Variants in ARG2 observed in about 807,000 individuals in gnomAD.
ARG2 encodes arginase 2.
ARG2 carries 21 observed loss-of-function variants against 39.4 expected under a neutral mutation model. The observed-to-expected ratio is 0.53, with a 90% confidence interval of 0.38 to 0.77. ARG2 has a LOEUF of 0.77. ARG2 is among the 30% of genes least tolerant of loss of function. The pLI, the probability that ARG2 is intolerant of heterozygous loss-of-function variation, is 0.00. For missense variants in ARG2, 378 were observed against 426.2 expected (o/e 0.89, Z 1.00); for synonymous variants, 150 against 156.7 (o/e 0.96, Z 0.32).
At chr14:67,623,783 C>G (rs985710580) in intron 2 of ARG2, among the ~76,000 whole-genome samples, 4 of 152,102 alleles carry the variant, frequency 2.6e-5, no homozygotes, top group Non-Finnish European at 4.4e-5. Flanking sequence ...CTCAGGTGAT[C>G]TGCCCATCTA....
At chr14:67,646,413 T>C (rs2037099127) in intron 4 of ARG2, 2 of 506,854 alleles carry the variant, frequency 3.9e-6, no homozygotes, top group Non-Finnish European at 7.0e-6. Flanking sequence ...AAGACAACCT[T>C]AGAGATTTTA....
chr14:67,620,426 A>C (rs116559382), intron 1 of ARG2, among the ~76,000 whole-genome samples: 2,024 of 152,110 alleles, frequency 0.013, 34 homozygotes, highest in African/African-American at 0.039. Flanking sequence ...GGGCTGGAGG[A>C]GGCGAAACTG....
intron 2 of ARG2, among the ~76,000 whole-genome samples, chr14:67,632,204 A>T (rs147525487): frequency 4.6e-5 from 7 of 152,228 alleles, no homozygotes; most frequent in South Asian, 2.1e-4. Flanking sequence ...TATCTCTAAT[A>T]CTTATTTTTC....
rs1324365259 is a variant in ARG2, at chr14:67,646,462, C to T, written c.523-182C>T. On this transcript the variant is annotated intron_variant, in intron 4 of 7. Transcript: ENST00000261783. ...AGCAATACTGTGTTCCTCAGCTGCC[C>T]TTCTGAAACATTTCCACCTTGTGTC... is the stretch of plus-strand genomic sequence containing the variant. 1.4e-5 allele frequency: 8 copies of T among 571,064 alleles called. No homozygotes were observed. In the Admixed American group the frequency reaches 2.6e-4, roughly 19 times the overall value. 35.4% of individuals were successfully genotyped at this position (571,064 alleles called of 1,614,324 possible). A position where few individuals can be genotyped will look rare whatever the true frequency, so the allele number is the denominator to read the frequency against.
At position 67,648,125 on chromosome 14, in the gene ARG2, T is replaced by A. The variant is rs1566806982; in HGVS notation, c.801T>A (p.Val267=). The part of the protein sequence containing the change: ...PTLAPATGTP[V]VGGLTYREGM... ...TGGCTCCAGCCACAGGAACTCCTGTTGTCGGGGGACTAACCTATCGAGAAG... is the reference window on the plus strand; with the variant it reads ...TGGCTCCAGCCACAGGAACTCCTGTAGTCGGGGGACTAACCTATCGAGAAG... The change falls in exon 7 of 8, where the codon GTT becomes GTA. Residue 267 remains valine (V), a synonymous_variant. Coordinates refer to ENST00000261783, the MANE Select transcript of ARG2 (RefSeq NM_001172.4). 2 of 1,614,074 alleles carry A rather than the reference T, an allele frequency of 1.2e-6. No homozygotes were observed. Among genetic ancestry groups the A allele is most frequent in the Non-Finnish European group, 1.7e-6 (2 of 1,179,930 alleles).
intron 2 of ARG2, among the ~76,000 whole-genome samples, chr14:67,633,124 C>T (rs1304813911): frequency 6.6e-6 from 1 of 152,042 alleles, no homozygotes; most frequent in Non-Finnish European, 1.5e-5. Context: ...CCGGCCAAGC[C>T]TCTTAATTTT....
At chr14:67,642,718 T>C (rs1426424173) in intron 3 of ARG2, among the ~76,000 whole-genome samples, 1 of 151,694 alleles carries the variant, frequency 6.6e-6, no homozygotes, top group African/African-American at 2.4e-5. Flanking sequence ...ATTGATAGGC[T>C]GAATGTGCAA....
At chr14:67,642,104 C>CTT in intron 2 of ARG2, 82 bp from the exon 3 acceptor site, 2 of 1,310,950 alleles carry the variant, frequency 1.5e-6, no homozygotes, top group South Asian at 2.6e-5. Flanking sequence ...TACTTTGTCA[C>CTT]GTATTATCAT....
intron 2 of ARG2, among the ~76,000 whole-genome samples, chr14:67,638,813 T>A (rs940375875): frequency 1.3e-5 from 2 of 152,226 alleles, no homozygotes; most frequent in Non-Finnish European, 2.9e-5. Context: ...CCCAGACTCA[T>A]GCTAACCATG....
At chr14:67,646,426 C>G (rs544616026) in intron 4 of ARG2, 1 of 516,904 alleles carries the variant, frequency 1.9e-6, no homozygotes. Flanking sequence ...AGATTTTATT[C>G]GTCTTGAGAA....
Position 67,650,887 on chromosome 14 carries a change from T to A in ARG2, c.1032T>A (p.Asp344Glu). The part of the protein sequence containing the change: ...YDQLPTPSSP[D>E]ESENQARVRI ...AACTTCCTACTCCCAGTTCACCAGA[T>A]GAATCAGAAAATCAAGCACGTGTGA... Residue 344 changes from aspartate to glutamate, a missense_variant, in exon 8 of 8, where the codon GAT becomes GAA. Coordinates refer to ENST00000261783, the MANE Select transcript of ARG2 (RefSeq NM_001172.4). The A allele has an allele frequency of 6.2e-7, 1 of 1,614,136 alleles. No individual in the cohort carries two copies. The highest frequency in any genetic ancestry group is 1.1e-5 in the South Asian group (1 of 91,086).
At chr14:67,625,848 C>A (rs2036860971) in intron 2 of ARG2, among the ~76,000 whole-genome samples, 1 of 151,800 alleles carries the variant, frequency 6.6e-6, no homozygotes, top group Admixed American at 6.6e-5. Context: ...AAAATAACAA[C>A]CGTAAAAAGA....
At chr14:67,626,637 A>C (rs1230611146) in intron 2 of ARG2, among the ~76,000 whole-genome samples, 1 of 152,152 alleles carries the variant, frequency 6.6e-6, no homozygotes, top group African/African-American at 2.4e-5. Flanking sequence ...TGCCCAGCTA[A>C]CTTTTGTATT....
chr14:67,624,264 T>C (rs1413914731), intron 2 of ARG2, among the ~76,000 whole-genome samples: 1 of 146,494 alleles, frequency 6.8e-6, no homozygotes, highest in Non-Finnish European at 1.5e-5. Context: ...ATTTGCACTT[T>C]AATGGGAAAT....
intron 7 of ARG2, chr14:67,648,502 CAAGAT>C (rs36217347): frequency 0.032 from 6,357 of 196,296 alleles, 358 homozygotes; most frequent in African/African-American, 0.13. Flanking sequence ...GATAAGAAGG[CAAGAT>C]AAGATAAGAG....
intron 2 of ARG2, among the ~76,000 whole-genome samples, chr14:67,639,292 A>C (rs527649298): frequency 1.3e-5 from 2 of 152,176 alleles, no homozygotes; most frequent in African/African-American, 4.8e-5. Flanking sequence ...TCTGTGACTT[A>C]TCCACTGGAT....
intron 2 of ARG2, among the ~76,000 whole-genome samples, chr14:67,625,276 G>A (rs539819007): frequency 8.5e-5 from 13 of 152,230 alleles, no homozygotes; most frequent in African/African-American, 2.2e-4. Context: ...GGATTTTTGC[G>A]ACCTTGGGTT....
Position 67,646,712 on chromosome 14 carries a change from T to A in ARG2, c.591T>A (p.Gly197=), listed in dbSNP as rs1379847973. Residue 197 remains glycine, a synonymous_variant, in exon 5 of 8, where the codon GGT becomes GGA. Transcript: ENST00000261783. ...CISSASIVYI[G]LRDVDPPEHF... ...CTTCTGCAAGTATTGTGTATATTGG[T>A]CTGAGAGACGTGGACCCTCCTGAAC... 2 of 1,613,736 alleles carry A rather than the reference T, an allele frequency of 1.2e-6. No individual in the cohort carries two copies. Among genetic ancestry groups the A allele is most frequent in the African/African-American group, 1.3e-5 (1 of 75,022 alleles).
chr14:67,646,632 T>C lies in ARG2; in HGVS notation c.523-12T>C, dbSNP rs1188093044. On this transcript the variant is annotated splice_polypyrimidine_tract_variant and intron_variant, in intron 4 of 7. Transcript: ENST00000261783. The stretch of plus-strand genomic sequence containing the variant: ...ATTCTTGATTAATCCTGTCCATTTC[T>C]CCCTTTCATAGGTACCACAACTCCC... 6.3e-7 allele frequency: 1 copy of C among 1,578,486 alleles called. No individual in the cohort carries two copies. The highest frequency in any genetic ancestry group is 8.7e-7 in the Non-Finnish European group (1 of 1,148,578).
Sources: gnomAD v4.1 joint callset for allele counts (sites outside exome capture counted in the v4.1 genomes callset) on GRCh38, gnomAD v4.1.1 for gene constraint, MANE v1.5 for transcripts, NCBI Gene and HGNC (gene_info 2026-07-23, HGNC 2026-07-21) for gene names.